Variants in PYY observed in about 807,000 individuals in gnomAD.
PYY encodes peptide YY.
PYY carries 12 observed loss-of-function variants against 10.3 expected under a neutral mutation model. That is an observed-to-expected ratio of 1.17 (90% CI 0.75 to 1.89). The LOEUF is 1.89. PYY is among the 40% of genes most tolerant of loss of function. The pLI is 0.00. For synonymous variants in PYY, 66 were observed against 62.0 expected, an observed-to-expected ratio of 1.06 and a Z score of -0.30; for missense variants, 141 against 134.0, an observed-to-expected ratio of 1.05 and a Z score of -0.26.
rs201721499 is a variant in PYY, at chr17:44,003,653, TCAAA to T, written c.-463+734_-463+737del. The stretch of plus-strand genomic sequence containing the variant: ...CTGGGCAATAGGGTGGGACTCCATC[TCAAA>T]CAAACAAACAAACAAAAAAAAAAAA... On this transcript the variant is annotated intron_variant, in intron 1 of 6. Coordinates refer to the PYY transcript ENST00000360085. Among the ~76,000 whole-genome samples, 356 of 95,840 alleles carry T rather than the reference TCAAA, an allele frequency of 3.7e-3. 62 individuals are homozygous for T. Among genetic ancestry groups the T allele is most frequent in the Middle Eastern group, 0.014 (2 of 140 alleles). 62.9% of individuals were successfully genotyped at this position (95,840 alleles called of 152,430 possible). A position where few individuals can be genotyped will look rare whatever the true frequency, so the allele number is the denominator to read the frequency against.
At chr17:43,965,814 AAAAGAG>A (rs2048751908) in intron 2 of PYY, among the ~76,000 whole-genome samples, 1 of 150,402 alleles carries the variant, frequency 6.6e-6, no homozygotes, top group Non-Finnish European at 1.5e-5. Context: ...AAAAAAAAAA[AAAAGAG>A]AGAGAAACAA....
chr17:43,953,554 G>T (rs540579418), intron 1 of PYY, 71 bp from the exon 2 acceptor site: 119 of 1,396,248 alleles, frequency 8.5e-5, no homozygotes, highest in African/African-American at 8.4e-4. Context: ...TGCGGCTGCC[G>T]TCGGGGCCGC....
chr17:43,989,201 C>T lies in PYY; in HGVS notation c.-463+15190G>A, dbSNP rs189457491. Among the ~76,000 whole-genome samples the T allele has an allele frequency of 4.3e-4, 65 of 152,032 alleles. 1 individual carries two copies. Among genetic ancestry groups the T allele is most frequent in the East Asian group, 2.1e-3 (11 of 5,118 alleles). Reference sequence around the variant, plus strand: ...CATCCTGGCTAACACGGTGAAACCCCGTCTCTGCTAAAAATACAAAAAATT... The same window carrying T: ...CATCCTGGCTAACACGGTGAAACCCTGTCTCTGCTAAAAATACAAAAAATT... On this transcript the variant is annotated intron_variant, in intron 1 of 6. Transcript: ENST00000360085.
chr17:43,980,569 C>G (rs2631288), intron 1 of PYY, among the ~76,000 whole-genome samples: 143,247 of 152,052 alleles, frequency 0.94, 67,496 homozygotes, highest in East Asian at 1. Context: ...CTGCCTCCTG[C>G]GTTCAAGCAA....
chr17:43,990,136 T>G (rs1465847523), intron 1 of PYY, among the ~76,000 whole-genome samples: 6 of 150,958 alleles, frequency 4.0e-5, no homozygotes, highest in Admixed American at 3.3e-4. Flanking sequence ...CTGGCACAAC[T>G]CTTTGAAAAG....
intron 1 of PYY, among the ~76,000 whole-genome samples, chr17:43,990,283 C>G (rs1258952826): frequency 6.6e-6 from 1 of 151,464 alleles, no homozygotes; most frequent in African/African-American, 2.4e-5. Context: ...ACTAAAAATA[C>G]AAAAAATTAG....
intron 2 of PYY, among the ~76,000 whole-genome samples, chr17:43,962,899 G>T (rs1022981498): frequency 6.6e-6 from 1 of 152,094 alleles, no homozygotes; most frequent in Non-Finnish European, 1.5e-5. Flanking sequence ...GCACTGACCC[G>T]CCAGGGCTCC....
chr17:43,993,522 T>C (rs921471933), intron 1 of PYY, among the ~76,000 whole-genome samples: 1 of 148,680 alleles, frequency 6.7e-6, no homozygotes, highest in African/African-American at 2.5e-5. Context: ...GCTACTCAGG[T>C]GGCTGAGGCA....
intron 1 of PYY, among the ~76,000 whole-genome samples, chr17:44,000,751 C>T (rs553307512): frequency 4.0e-5 from 6 of 151,456 alleles, no homozygotes; most frequent in African/African-American, 1.5e-4. Context: ...GACAGGTCTT[C>T]GCTACGTTGG....
intron 1 of PYY, among the ~76,000 whole-genome samples, chr17:43,972,618 T>A (rs539468097): frequency 6.6e-6 from 1 of 152,154 alleles, no homozygotes; most frequent in African/African-American, 2.4e-5. Flanking sequence ...AACCTTGAAC[T>A]CGTGAGCTCA....
At chr17:43,972,035 G>A (rs1207841219) in intron 1 of PYY, among the ~76,000 whole-genome samples, 6 of 151,604 alleles carry the variant, frequency 4.0e-5, no homozygotes, top group South Asian at 2.1e-4. Flanking sequence ...ATGAGGTTTC[G>A]GTTGAAATTC....
At chr17:43,989,756 A>G (rs1420842600) in intron 1 of PYY, among the ~76,000 whole-genome samples, 5 of 135,072 alleles carry the variant, frequency 3.7e-5, no homozygotes, top group African/African-American at 1.4e-4. Flanking sequence ...GCAGTGAGCT[A>G]TGATCACACC....
intron 1 of PYY, among the ~76,000 whole-genome samples, chr17:43,967,844 G>A (rs1642598): frequency 0.76 from 116,099 of 152,080 alleles, 44,847 homozygotes; most frequent in East Asian, 1. Flanking sequence ...CCCCAGCCTC[G>A]ATACAAGACA....
At chr17:43,976,396 C>T (rs887754856) in intron 1 of PYY, among the ~76,000 whole-genome samples, 20 of 146,956 alleles carry the variant, frequency 1.4e-4, no homozygotes, top group Admixed American at 1.0e-3. Context: ...TATACATATA[C>T]GTATATACAT....
At position 43,976,958 on chromosome 17, in the gene PYY, C is replaced by T. The variant is rs553557815; in HGVS notation, c.-462-10426G>A. 4.8e-4 allele frequency among the ~76,000 whole-genome samples: 73 copies of T among 152,242 alleles called. 1 individual carries two copies. Among genetic ancestry groups the T allele is most frequent in the South Asian group, 3.7e-3 (18 of 4,822 alleles). On this transcript the variant is annotated intron_variant, in intron 1 of 6. Coordinates refer to the PYY transcript ENST00000360085. ...CCACCCTACCCGATACACATCCCTT[C>T]TTCTTGCTCATGTCTCTGCCACCGG...
chr17:43,983,645 C>T (rs1181812680), intron 1 of PYY, among the ~76,000 whole-genome samples: 1 of 152,244 alleles, frequency 6.6e-6, no homozygotes, highest in Non-Finnish European at 1.5e-5. Flanking sequence ...ACTAGCTCAC[C>T]CACTGCCCTC....
At chr17:43,955,460 G>A (rs963530434), upstream of PYY, among the ~76,000 whole-genome samples, 8 of 152,222 alleles carry the variant, frequency 5.3e-5, no homozygotes, top group South Asian at 4.1e-4. Context: ...TGCATTCTCC[G>A]GAAATGGCTC....
At chr17:43,953,749 A>C (rs2048652782) in intron 1 of PYY, 101 bp downstream of exon 1, 8 of 317,176 alleles carry the variant, frequency 2.5e-5, no homozygotes, top group African/African-American at 2.3e-5. Context: ...GCCCCCTCCA[A>C]TCCAGTTTCC....
chr17:43,955,965 G>T (rs1015207033), upstream of PYY, among the ~76,000 whole-genome samples: 2 of 151,988 alleles, frequency 1.3e-5, no homozygotes, highest in Admixed American at 6.6e-5. Context: ...ACCCTGCGGC[G>T]GCACTAACCA....
Sources: gnomAD v4.1 joint callset for allele counts (sites outside exome capture counted in the v4.1 genomes callset) on GRCh38, gnomAD v4.1.1 for gene constraint, MANE v1.5 for transcripts, NCBI Gene and HGNC (gene_info 2026-07-23, HGNC 2026-07-21) for gene names.